The following PRR16 variants were observed in gnomAD, a reference collection of about 807,000 sequenced individuals.
PRR16 encodes protein Largen.
Under a neutral mutation model 18.2 loss-of-function variants are expected in PRR16, and 6 were observed. The observed-to-expected ratio is 0.33, with a 90% CI of 0.18 to 0.65. The LOEUF is 0.65. Ranked by LOEUF, PRR16 falls within the 30% of genes least tolerant of loss-of-function variation. The pLI, the probability that PRR16 is intolerant of heterozygous loss-of-function variation, is 0.74. For synonymous variants in PRR16, 151 were observed against 147.8 expected, an observed-to-expected ratio of 1.02 and a Z score of -0.16; for missense variants, 412 against 376.6, an observed-to-expected ratio of 1.09 and a Z score of -0.78.
intron 1 of PRR16, among the ~76,000 whole-genome samples, chr5:120,505,928 G>A (rs1401716180): frequency 7.5e-6 from 1 of 133,840 alleles, no homozygotes; most frequent in Non-Finnish European, 1.6e-5. Context: ...TGATATATAT[G>A]TGTGTATGTG....
chr5:120,661,090 T>C (rs564015085), intron 1 of PRR16, among the ~76,000 whole-genome samples: 2 of 152,270 alleles, frequency 1.3e-5, no homozygotes, highest in East Asian at 3.9e-4. Context: ...CACCAGGACA[T>C]TGAATGTTGC....
At chr5:120,523,533 T>C (rs1751254939) in intron 1 of PRR16, among the ~76,000 whole-genome samples, 2 of 152,292 alleles carry the variant, frequency 1.3e-5, no homozygotes, top group Admixed American at 1.3e-4. Context: ...TTTTATACTG[T>C]TTGTTTTATC....
At chr5:120,733,300 G>A in the PRR16 span, among the ~76,000 whole-genome samples, 6 of 151,972 alleles carry the variant, frequency 3.9e-5, no homozygotes, top group African/African-American at 1.2e-4. Context: ...ACAGGAGTGT[G>A]CCATCATGCC....
Position 120,600,131 on chromosome 5 carries a change from G to A in PRR16, c.160-85823G>A, listed in dbSNP as rs754686853. Among the ~76,000 whole-genome samples the A allele has an allele frequency of 7.9e-5, 12 of 151,462 alleles. 1 individual carries two copies. Among genetic ancestry groups the A allele is most frequent in the Admixed American group, 2.6e-4 (4 of 15,144 alleles). ...ATTCCATTTCAGGGAAATGCTCTTC[G>A]TTTCGTAGCCCAGCTCCATTTTTGT... On this transcript the variant is annotated intron_variant, in intron 1 of 1. Transcript: ENST00000407149.
chr5:120,697,407 G>C, the PRR16 span, among the ~76,000 whole-genome samples: 2 of 152,314 alleles, frequency 1.3e-5, no homozygotes, highest in Admixed American at 1.3e-4. Flanking sequence ...TTTGCAACTG[G>C]AATTGTACAG....
intron 1 of PRR16, among the ~76,000 whole-genome samples, chr5:120,659,060 A>G (rs751329385): frequency 1.9e-4 from 29 of 151,734 alleles, no homozygotes; most frequent in Non-Finnish European, 3.2e-4. Flanking sequence ...CATATGTTAT[A>G]TTAGTTTGAT....
chr5:120,567,796 A>T (rs1752783508), intron 1 of PRR16, among the ~76,000 whole-genome samples: 1 of 152,158 alleles, frequency 6.6e-6, no homozygotes, highest in South Asian at 2.1e-4. Context: ...TGCCTCCTGT[A>T]CAGCCTGTGG....
At position 120,512,356 on chromosome 5, in the gene PRR16, C is replaced by A. The variant is rs569707316; in HGVS notation, c.159+47711C>A. On this transcript the variant is annotated intron_variant, in intron 1 of 1. Coordinates refer to ENST00000407149, the MANE Select transcript of PRR16 (RefSeq NM_001300783.2). ...ACAATTGCCTGGCTGTGGTTCTGCT[C>A]CTAGCTAGAAAAGTCAGCAATCTTG... 1.3e-4 allele frequency among the ~76,000 whole-genome samples: 20 copies of A among 152,222 alleles called. 1 individual carries two copies. The South Asian group carries it at 4.2e-3, about 32-fold the overall frequency.
chr5:120,751,639 A>T, the PRR16 span, among the ~76,000 whole-genome samples: 1 of 152,132 alleles, frequency 6.6e-6, no homozygotes, highest in African/African-American at 2.4e-5. Context: ...AAATATAATA[A>T]GTAAAATATT....
intron 1 of PRR16, among the ~76,000 whole-genome samples, chr5:120,537,371 A>C (rs966670548): frequency 6.6e-6 from 1 of 152,184 alleles, no homozygotes; most frequent in African/African-American, 2.4e-5. Context: ...TATTAACTAG[A>C]CTAGGGTATA....
chr5:120,772,146 A>T, the PRR16 span, among the ~76,000 whole-genome samples: 3 of 152,166 alleles, frequency 2.0e-5, no homozygotes, highest in Admixed American at 1.3e-4. Context: ...AGATTTGACA[A>T]GTAAATGAAT....
At chr5:120,473,263 G>A (rs1219097659) in intron 1 of PRR16, among the ~76,000 whole-genome samples, 3 of 152,076 alleles carry the variant, frequency 2.0e-5, no homozygotes, top group Non-Finnish European at 4.4e-5. Context: ...AAATTTGATT[G>A]CCTCTTTATT....
chr5:120,773,207 C>T, the PRR16 span, among the ~76,000 whole-genome samples: 3 of 152,064 alleles, frequency 2.0e-5, no homozygotes, highest in Non-Finnish European at 2.9e-5. Flanking sequence ...ATTAGGTTCC[C>T]ACATGAATAA....
the PRR16 span, among the ~76,000 whole-genome samples, chr5:120,780,152 A>G: frequency 6.6e-6 from 1 of 152,174 alleles, no homozygotes; most frequent in Admixed American, 6.5e-5. Context: ...CTACCATGGG[A>G]TGGAACTTAC....
chr5:120,669,300 C>T (rs1345235913), intron 1 of PRR16, among the ~76,000 whole-genome samples: 1 of 152,000 alleles, frequency 6.6e-6, no homozygotes, highest in Non-Finnish European at 1.5e-5. Flanking sequence ...ATATGAGGCC[C>T]TCACACCCTC....
chr5:120,517,412 A>G (rs188320370), intron 1 of PRR16, among the ~76,000 whole-genome samples: 2 of 152,070 alleles, frequency 1.3e-5, no homozygotes, highest in Admixed American at 6.6e-5. Flanking sequence ...CTCACTAACT[A>G]TGCTTGAGAC....
the PRR16 span, among the ~76,000 whole-genome samples, chr5:120,768,228 G>A: frequency 1.7e-4 from 25 of 151,502 alleles, no homozygotes; most frequent in African/African-American, 5.8e-4. Flanking sequence ...CCTTATTCTT[G>A]TTTTCAGTGA....
chr5:120,723,492 T>C, the PRR16 span, among the ~76,000 whole-genome samples: 2 of 152,016 alleles, frequency 1.3e-5, no homozygotes, highest in Non-Finnish European at 2.9e-5. Context: ...ACTTTAACCA[T>C]ATAATTAGCA....
chr5:120,522,658 T>C (rs1270864775), intron 1 of PRR16, among the ~76,000 whole-genome samples: 1 of 152,174 alleles, frequency 6.6e-6, no homozygotes, highest in East Asian at 1.9e-4. Flanking sequence ...CAGGCTGGAG[T>C]GCAGTGGCAC....
Sources: gnomAD v4.1 joint callset for allele counts (sites outside exome capture counted in the v4.1 genomes callset) on GRCh38, gnomAD v4.1.1 for gene constraint, MANE v1.5 for transcripts, NCBI Gene and HGNC (gene_info 2026-07-23, HGNC 2026-07-21) for gene names.